The following NRXN3 variants were observed in gnomAD, a reference collection of about 807,000 sequenced individuals.
NRXN3 encodes neurexin III.
In NRXN3, 32 loss-of-function variants were observed where a neutral mutation model predicts 137.6. The observed-to-expected ratio is 0.23, with a 90% CI of 0.18 to 0.31. The LOEUF (loss-of-function observed/expected upper bound fraction) is 0.31. NRXN3 is among the 10% of genes least tolerant of loss of function. NRXN3 has a pLI of 1.00. For missense variants in NRXN3, 1,574 were observed against 2,062.5 expected (o/e 0.76, Z 4.59); for synonymous variants, 798 against 784.5 (o/e 1.02, Z -0.29).
intron 20 of NRXN3, among the ~76,000 whole-genome samples, chr14:79,814,483 G>A (rs2099245629): frequency 1.3e-5 from 2 of 152,200 alleles, no homozygotes; most frequent in Admixed American, 1.3e-4. Flanking sequence ...GCATCTGGAA[G>A]TCATAAGTTG....
At chr14:79,851,824 G>A (rs1227842655) in intron 20 of NRXN3, among the ~76,000 whole-genome samples, 1 of 152,070 alleles carries the variant, frequency 6.6e-6, no homozygotes, top group Non-Finnish European at 1.5e-5. Flanking sequence ...CATGTGAGAG[G>A]CATAGTTTTC....
chr14:78,764,967 G>C (rs984341822), intron 8 of NRXN3, among the ~76,000 whole-genome samples: 16 of 152,150 alleles, frequency 1.1e-4, no homozygotes, highest in Non-Finnish European at 2.9e-5. Flanking sequence ...TATGTAAAGG[G>C]ATTTAGACAA....
chr14:79,672,152 CTG>C (rs2098611236), intron 17 of NRXN3, among the ~76,000 whole-genome samples: 2 of 152,034 alleles, frequency 1.3e-5, no homozygotes, highest in South Asian at 4.1e-4. Flanking sequence ...CTGCAACCCT[CTG>C]TAGGACTTTA....
chr14:78,801,957 C>T (rs1039099230), intron 8 of NRXN3, among the ~76,000 whole-genome samples: 1 of 152,168 alleles, frequency 6.6e-6, no homozygotes, highest in Non-Finnish European at 1.5e-5. Flanking sequence ...TTCTGTGTCT[C>T]CCTTTAGAAC....
chr14:78,179,657 C>T (rs954389313), intron 1 of NRXN3, among the ~76,000 whole-genome samples: 1 of 152,078 alleles, frequency 6.6e-6, no homozygotes, highest in African/African-American at 2.4e-5. Context: ...ACCTTTCCTA[C>T]TTCTTGGGTG....
intron 19 of NRXN3, among the ~76,000 whole-genome samples, chr14:79,720,120 C>G (rs146638567): frequency 3.9e-5 from 6 of 151,992 alleles, no homozygotes; most frequent in Non-Finnish European, 7.4e-5. Flanking sequence ...ACTCAGAGTT[C>G]CACATGGCTA....
chr14:79,480,147 T>A (rs1315977642), intron 16 of NRXN3, among the ~76,000 whole-genome samples: 1 of 152,198 alleles, frequency 6.6e-6, no homozygotes, highest in Non-Finnish European at 1.5e-5. Flanking sequence ...TGTTAGCTTC[T>A]AATGTCTAGC....
rs1389381809 is a variant in NRXN3, at chr14:78,242,893, G to A, written c.-201G>A. 5 of 480,704 alleles carry A rather than the reference G, an allele frequency of 1.0e-5. No homozygotes were observed. The highest frequency in any genetic ancestry group is 1.8e-5 in the Non-Finnish European group (5 of 275,756). 29.8% of individuals were successfully genotyped at this position (480,704 alleles called of 1,614,324 possible). A position where few individuals can be genotyped will look rare whatever the true frequency, so the allele number is the denominator to read the frequency against. On this transcript the variant is annotated 5_prime_UTR_variant, in exon 2 of 21. In the 5' UTR this introduces an upstream ATG that the reference lacks. Transcript: ENST00000335750. ...TGCCTCTTTATTCAATTTCTTGCTT[G>A]TGTGCCCCTCTGGGACTCTCTTGTA...
intron 15 of NRXN3, among the ~76,000 whole-genome samples, chr14:79,087,657 T>A (rs2152789778): frequency 6.6e-6 from 1 of 152,262 alleles, no homozygotes; most frequent in African/African-American, 2.4e-5. Flanking sequence ...AGAAAATATA[T>A]AACTCTCCAT....
chr14:79,616,714 G>A (rs892066368), intron 16 of NRXN3, among the ~76,000 whole-genome samples: 2 of 152,148 alleles, frequency 1.3e-5, no homozygotes, highest in Non-Finnish European at 2.9e-5. Flanking sequence ...CTTGAGAAAT[G>A]TCTGTAAAGT....
intron 15 of NRXN3, among the ~76,000 whole-genome samples, chr14:79,258,988 A>G (rs1359381516): frequency 1.3e-5 from 2 of 152,208 alleles, no homozygotes; most frequent in African/African-American, 4.8e-5. Context: ...ATGTCCTTCA[A>G]ACAGACTTTG....
At chr14:78,293,956 T>C (rs2076054683) in intron 3 of NRXN3, among the ~76,000 whole-genome samples, 1 of 152,226 alleles carries the variant, frequency 6.6e-6, no homozygotes, top group African/African-American at 2.4e-5. Context: ...CACTTTATGA[T>C]CCTGGTAGCC....
rs946544838 is a variant in NRXN3, at chr14:79,222,028, T to A, written c.3262+233887T>A. On this transcript the variant is annotated intron_variant, in intron 15 of 20. Coordinates refer to ENST00000335750, the MANE Select transcript of NRXN3 (RefSeq NM_001330195.2). The stretch of plus-strand genomic sequence containing the variant: ...ATAGGGAAATCCTTTCCCCATTGCT[T>A]GTTTTTGTCAGGTTTGTCAAAGATC... 4.6e-5 allele frequency among the ~76,000 whole-genome samples: 7 copies of A among 152,316 alleles called. No individual in the cohort carries two copies. The East Asian group carries it at 1.4e-3, about 29-fold the overall frequency.
chr14:78,821,024 T>C (rs1229702402), intron 10 of NRXN3, among the ~76,000 whole-genome samples: 1 of 152,164 alleles, frequency 6.6e-6, no homozygotes, highest in Non-Finnish European at 1.5e-5. Flanking sequence ...CATGAACCTT[T>C]ATAAATTTAG....
At chr14:78,625,562 G>C (rs2097450126) in intron 4 of NRXN3, among the ~76,000 whole-genome samples, 1 of 152,190 alleles carries the variant, frequency 6.6e-6, no homozygotes, top group Admixed American at 6.5e-5. Flanking sequence ...GACTTAGCCT[G>C]GGTTGTCTGC....
At chr14:78,456,755 C>T (rs2094714753) in intron 4 of NRXN3, among the ~76,000 whole-genome samples, 1 of 152,076 alleles carries the variant, frequency 6.6e-6, no homozygotes, top group Non-Finnish European at 1.5e-5. Context: ...TTTTCTCCCC[C>T]TACAGGCTCT....
chr14:78,908,452 A>T (rs1597254862), intron 10 of NRXN3, among the ~76,000 whole-genome samples: 1 of 151,612 alleles, frequency 6.6e-6, no homozygotes, highest in Non-Finnish European at 1.5e-5. Context: ...GATTGTTGGA[A>T]CTTCCTCCTC....
intron 1 of NRXN3, among the ~76,000 whole-genome samples, chr14:78,172,014 C>T (rs982800122): frequency 9.2e-5 from 14 of 152,110 alleles, no homozygotes; most frequent in African/African-American, 3.4e-4. Flanking sequence ...CCGCTTCCTT[C>T]GGTTCCCGCT....
intron 15 of NRXN3, among the ~76,000 whole-genome samples, chr14:79,242,349 G>A (rs1041746783): frequency 6.6e-6 from 1 of 152,148 alleles, no homozygotes; most frequent in Non-Finnish European, 1.5e-5. Context: ...GCTAAGGGCA[G>A]AAAACAGGAG....
Sources: gnomAD v4.1 joint callset for allele counts (sites outside exome capture counted in the v4.1 genomes callset) on GRCh38, gnomAD v4.1.1 for gene constraint, MANE v1.5 for transcripts, NCBI Gene and HGNC (gene_info 2026-07-23, HGNC 2026-07-21) for gene names.